KCNN3: variants seen among roughly 807,000 people sequenced by gnomAD.
KCNN3 encodes the protein small conductance calcium-activated potassium channel protein 3.
A neutral mutation model predicts 62.9 loss-of-function variants in KCNN3; 16 were observed. The observed-to-expected ratio is 0.25, with a 90% CI of 0.17 to 0.39. KCNN3 has a LOEUF of 0.39. Ranked by LOEUF, KCNN3 falls within the 10% of genes least tolerant of loss-of-function variation. The probability of loss-of-function intolerance (pLI) is 1.00; values close to 1 mark genes in which losing one functional copy is unlikely to be tolerated. For synonymous variants in KCNN3, 370 were observed against 389.2 expected (o/e 0.95, Z 0.58); for missense variants, 599 against 949.4 (o/e 0.63, Z 4.85).
chr1:154,786,741 G>A (rs531787478), intron 2 of KCNN3, among the ~76,000 whole-genome samples: 2 of 152,238 alleles, frequency 1.3e-5, no homozygotes, highest in East Asian at 3.9e-4. Flanking sequence ...TGGGAATCAG[G>A]GAACCTATTG....
Position 154,705,986 on chromosome 1 carries a change from G to A in KCNN3, c.*1990C>T, listed in dbSNP as rs1284577531. The A allele has an allele frequency of 6.6e-6, 1 of 152,064 alleles. No homozygotes were observed. The highest frequency in any genetic ancestry group is 2.4e-5 in the African/African-American group (1 of 41,374). 9.4% of individuals were successfully genotyped at this position (152,064 alleles called of 1,614,324 possible). On this transcript the variant is annotated 3_prime_UTR_variant, in exon 8 of 8. Coordinates refer to ENST00000271915, the MANE Select transcript of KCNN3 (RefSeq NM_002249.6). The stretch of plus-strand genomic sequence containing the variant: ...CTTGGGACATGAAACAAGGAGGAGG[G>A]GAAACATTCAGATAATCAACAGTTA...
chr1:154,749,553 T>C (rs1435957798), intron 3 of KCNN3, among the ~76,000 whole-genome samples: 1 of 152,082 alleles, frequency 6.6e-6, no homozygotes, highest in Non-Finnish European at 1.5e-5. Context: ...ACGTGGGAGC[T>C]CTGGTTGGGC....
intron 3 of KCNN3, among the ~76,000 whole-genome samples, chr1:154,755,250 G>T (rs1401711616): frequency 6.6e-6 from 1 of 151,912 alleles, no homozygotes; most frequent in African/African-American, 2.4e-5. Flanking sequence ...TGGGAGTATT[G>T]CTTGAGGCTG....
At chr1:154,752,861 A>G (rs1257997597) in intron 3 of KCNN3, among the ~76,000 whole-genome samples, 1 of 152,118 alleles carries the variant, frequency 6.6e-6, no homozygotes, top group Non-Finnish European at 1.5e-5. Flanking sequence ...CTATGAGGAC[A>G]CTGCATGTCA....
At chr1:154,770,251 T>G (rs1176528390) in intron 3 of KCNN3, among the ~76,000 whole-genome samples, 1 of 152,214 alleles carries the variant, frequency 6.6e-6, no homozygotes, top group Non-Finnish European at 1.5e-5. Flanking sequence ...CTGCACTGGC[T>G]CTCAGAACCT....
intron 1 of KCNN3, chr1:154,859,686 G>A (rs1652681647): frequency 1.2e-6 from 2 of 1,614,036 alleles, no homozygotes. Context: ...ACCTGGGCAG[G>A]GCACCCACCT....
chr1:154,748,261 C>T (rs567195121), intron 3 of KCNN3, among the ~76,000 whole-genome samples: 1 of 152,222 alleles, frequency 6.6e-6, no homozygotes, highest in South Asian at 2.1e-4. Flanking sequence ...CATTGAGCTC[C>T]ACCCGCCCGG....
intron 1 of KCNN3, among the ~76,000 whole-genome samples, chr1:154,822,680 G>A (rs1475308456): frequency 6.6e-6 from 1 of 152,214 alleles, no homozygotes; most frequent in Non-Finnish European, 1.5e-5. Flanking sequence ...GAATGTCCCG[G>A]CAGCTGCTCT....
At chr1:154,868,208 G>C in intron 1 of KCNN3, 1 of 985,556 alleles carries the variant, frequency 1.0e-6, no homozygotes, top group Non-Finnish European at 1.2e-6. Flanking sequence ...AAGGAGAGGT[G>C]CTCCCCCAGC....
intron 1 of KCNN3, among the ~76,000 whole-genome samples, chr1:154,855,162 G>A (rs1463702549): frequency 6.6e-6 from 1 of 152,088 alleles, no homozygotes; most frequent in East Asian, 1.9e-4. Context: ...AAGTTGCAGT[G>A]AGCCGAGATC....
intron 2 of KCNN3, among the ~76,000 whole-genome samples, chr1:154,796,648 G>A (rs908260026): frequency 1.2e-4 from 18 of 152,212 alleles, no homozygotes; most frequent in Admixed American, 2.0e-4. Flanking sequence ...CGATTCAACC[G>A]ATTGTGTCCG....
chr1:154,705,689 A>C lies in KCNN3; in HGVS notation c.*2287T>G, dbSNP rs1273653597. The C allele has an allele frequency of 1.3e-5, 2 of 152,178 alleles. No individual in the cohort carries two copies. Among genetic ancestry groups the C allele is most frequent in the Non-Finnish European group, 2.9e-5 (2 of 68,048 alleles). The allele number at this position is 152,178 out of a possible 1,614,324, so 9.4% of individuals were successfully genotyped here. The stretch of plus-strand genomic sequence containing the variant: ...TCTTGCATGTCATTTGGTTGAAATT[A>C]AGACTAAATCTCTATATGTGCACAC... On this transcript the variant is annotated 3_prime_UTR_variant, in exon 8 of 8. Coordinates refer to ENST00000271915, the MANE Select transcript of KCNN3 (RefSeq NM_002249.6).
At chr1:154,793,830 G>C (rs1464450013) in intron 2 of KCNN3, among the ~76,000 whole-genome samples, 1 of 152,158 alleles carries the variant, frequency 6.6e-6, no homozygotes, top group African/African-American at 2.4e-5. Context: ...ACCTGCCCCA[G>C]ATCTCCAAAG....
At chr1:154,710,111 C>T (rs1700045107) in intron 7 of KCNN3, among the ~76,000 whole-genome samples, 2 of 152,224 alleles carry the variant, frequency 1.3e-5, no homozygotes, top group Non-Finnish European at 2.9e-5. Flanking sequence ...CGGGGAAAGA[C>T]TCCAAGCCCT....
chr1:154,777,604 A>T (rs1341474488), intron 2 of KCNN3, among the ~76,000 whole-genome samples: 1 of 152,216 alleles, frequency 6.6e-6, no homozygotes, highest in Non-Finnish European at 1.5e-5. Context: ...GTTCTAGAGC[A>T]AGTCTGGAAC....
At chr1:154,713,408 T>C in intron 7 of KCNN3, 56 bp downstream of exon 7, 2 of 1,425,680 alleles carry the variant, frequency 1.4e-6, no homozygotes, top group East Asian at 2.3e-5. Context: ...CAGGTGAGCC[T>C]GAGAAGACTC....
chr1:154,813,555 A>ATG (rs1016355894), intron 2 of KCNN3, among the ~76,000 whole-genome samples: 1 of 152,090 alleles, frequency 6.6e-6, no homozygotes, highest in African/African-American at 2.4e-5. Context: ...TCAAGGGCAG[A>ATG]TGACCCCTCC....
intron 2 of KCNN3, among the ~76,000 whole-genome samples, chr1:154,788,332 T>C (rs1649370581): frequency 6.6e-6 from 1 of 152,342 alleles, no homozygotes; most frequent in South Asian, 2.1e-4. Context: ...TACAAAGTGG[T>C]TGAGTGGCCA....
intron 3 of KCNN3, among the ~76,000 whole-genome samples, chr1:154,768,099 A>T (rs1648379569): frequency 6.6e-6 from 1 of 152,128 alleles, no homozygotes; most frequent in Non-Finnish European, 1.5e-5. Context: ...CTGCTGTGTG[A>T]CCCTGGGCAA....
Sources: gnomAD v4.1 joint callset for allele counts (sites outside exome capture counted in the v4.1 genomes callset) on GRCh38, gnomAD v4.1.1 for gene constraint, MANE v1.5 for transcripts, NCBI Gene and HGNC (gene_info 2026-07-23, HGNC 2026-07-21) for gene names.